Variants in LDLRAD4 observed in about 807,000 individuals in gnomAD.
LDLRAD4 encodes low density lipoprotein receptor class A domain containing 4, also known as low-density lipoprotein receptor class A domain-containing protein 4.
A neutral mutation model predicts 17.0 loss-of-function variants in LDLRAD4; 5 were observed. The observed-to-expected ratio is 0.29, with a 90% CI of 0.15 to 0.62. LDLRAD4 has a LOEUF of 0.62. LDLRAD4 is among the 20% of genes least tolerant of loss of function. LDLRAD4 has a pLI of 0.84. For missense variants in LDLRAD4, 340 were observed against 424.7 expected (o/e 0.80, Z 1.75); for synonymous variants, 168 against 171.8 (o/e 0.98, Z 0.17).
intron 3 of LDLRAD4, among the ~76,000 whole-genome samples, chr18:13,589,483 C>T (rs189646146): frequency 1.3e-3 from 205 of 152,274 alleles, no homozygotes; most frequent in Non-Finnish European, 2.2e-3. Flanking sequence ...CCAGGGTTTC[C>T]GCTCCCATCA....
chr18:13,554,746 ACT>A, intron 3 of LDLRAD4, among the ~76,000 whole-genome samples: 1 of 152,148 alleles, frequency 6.6e-6, no homozygotes, highest in Middle Eastern at 3.4e-3. Flanking sequence ...TGATATTTCC[ACT>A]CTCACGTTTT....
In LDLRAD4 at chr18:13,643,402, G is replaced by A. The variant is rs1232833323; in HGVS notation, c.380G>A (p.Gly127Asp). Residue 127 changes from glycine (G) to aspartate (D), a missense_variant, in exon 5 of 6, where the codon GGC becomes GAC. Gly to Asp is a moderately conservative substitution (Grantham distance 94). Transcript: ENST00000359446. Reference sequence around the variant, plus strand: ...TCAGACAGCGCCGCACCGCGGCTGGGCGCCTCGGAGGTAAGGGGCCCCAGG... The same window carrying A: ...TCAGACAGCGCCGCACCGCGGCTGGACGCCTCGGAGGTAAGGGGCCCCAGG... 1.6e-6 allele frequency: 2 copies of A among 1,275,916 alleles called. No homozygotes were observed. Among genetic ancestry groups the A allele is most frequent in the Non-Finnish European group, 1.0e-6 (1 of 996,644 alleles). 79.0% of individuals were successfully genotyped at this position (1,275,916 alleles called of 1,614,324 possible).
rs929106738 is a variant in LDLRAD4, at chr18:13,621,819, G to T, written c.336+548G>T. ...GTTGGCGGTGGGCTTGTCAGCGGTG[G>T]GCTTGTCGGCGGTAGGGTTGTCGGC... On this transcript the variant is annotated intron_variant, in intron 4 of 5. Transcript: ENST00000359446. This position sits in a 1 kb window ranked among gnomAD's most constrained non-coding sequence, Gnocchi z 5.5. Among the ~76,000 whole-genome samples, 1 of 151,854 alleles carries T rather than the reference G, an allele frequency of 6.6e-6. No homozygotes were observed. Among genetic ancestry groups the T allele is most frequent in the Admixed American group, 6.6e-5 (1 of 15,264 alleles).
At chr18:13,319,363 C>T (rs1024793889) in intron 1 of LDLRAD4, among the ~76,000 whole-genome samples, 8 of 152,052 alleles carry the variant, frequency 5.3e-5, no homozygotes, top group East Asian at 1.9e-4. Context: ...TGAGCCAGCT[C>T]GCTCCTGAGT....
chr18:13,348,585 A>G (rs1006194914), intron 1 of LDLRAD4, among the ~76,000 whole-genome samples: 1 of 152,044 alleles, frequency 6.6e-6, no homozygotes, highest in Non-Finnish European at 1.5e-5. Context: ...GAGAACCACT[A>G]CTGTCTTCCA....
At chr18:13,370,716 T>TTTTTTTTTTTTTG (rs1555663247) in intron 1 of LDLRAD4, among the ~76,000 whole-genome samples, 9 of 8,866 alleles carry the variant, frequency 1.0e-3, no homozygotes, top group Non-Finnish European at 9.4e-3. Flanking sequence ...TTGTTTTGTT[T>TTTTTTTTTTTTTG]TTTTTTTTTT....
chr18:13,222,424 AAACTTT>A (rs2145339612), intron 1 of LDLRAD4, among the ~76,000 whole-genome samples: 1 of 152,138 alleles, frequency 6.6e-6, no homozygotes, highest in East Asian at 1.9e-4. Context: ...AGCATTTACG[AAACTTT>A]AAGTTTGTCA....
At chr18:13,319,593 G>A (rs1223789529) in intron 1 of LDLRAD4, among the ~76,000 whole-genome samples, 3 of 152,198 alleles carry the variant, frequency 2.0e-5, no homozygotes, top group African/African-American at 7.2e-5. Flanking sequence ...GTGTGTGCGT[G>A]TTTTAGATTT....
At chr18:13,583,007 C>T (rs1479739648) in intron 3 of LDLRAD4, among the ~76,000 whole-genome samples, 2 of 152,164 alleles carry the variant, frequency 1.3e-5, no homozygotes, top group Non-Finnish European at 2.9e-5. Flanking sequence ...TGAGCCACCG[C>T]GTCTTGCTTG....
chr18:13,410,137 C>T (rs1306597694), intron 2 of LDLRAD4, among the ~76,000 whole-genome samples: 1 of 152,072 alleles, frequency 6.6e-6, no homozygotes, highest in Non-Finnish European at 1.5e-5. Context: ...TCAAAAGTGT[C>T]AAGGCTCTGA....
intron 3 of LDLRAD4, among the ~76,000 whole-genome samples, chr18:13,452,088 T>A (rs1431274451): frequency 1.3e-5 from 2 of 152,124 alleles, no homozygotes; most frequent in Non-Finnish European, 2.9e-5. Flanking sequence ...GAACGTGGCG[T>A]GTGCCCCTGA....
chr18:13,275,259 C>G (rs2044792513), upstream of LDLRAD4, among the ~76,000 whole-genome samples: 1 of 152,164 alleles, frequency 6.6e-6, no homozygotes, highest in African/African-American at 2.4e-5. Flanking sequence ...TAACCTTGAA[C>G]TGTAGATAAG....
At chr18:13,497,507 T>G (rs2093495984) in intron 3 of LDLRAD4, among the ~76,000 whole-genome samples, 1 of 152,054 alleles carries the variant, frequency 6.6e-6, no homozygotes, top group Non-Finnish European at 1.5e-5. Context: ...TGTTTTTTTT[T>G]TTTCCTTCTT....
chr18:13,323,050 C>T (rs2081339918), intron 1 of LDLRAD4, among the ~76,000 whole-genome samples: 1 of 152,222 alleles, frequency 6.6e-6, no homozygotes, highest in African/African-American at 2.4e-5. Context: ...GTAGCAGCAT[C>T]TCTCTGGATT....
chr18:13,249,034 T>C (rs896424764), intron 1 of LDLRAD4, among the ~76,000 whole-genome samples: 1 of 152,194 alleles, frequency 6.6e-6, no homozygotes, highest in Admixed American at 6.5e-5. Context: ...TTATTTCACC[T>C]AACATAATGC....
exon 6 of LDLRAD4, chr18:13,652,288 G>T (rs2043279020): frequency 6.6e-6 from 1 of 152,182 alleles, no homozygotes; most frequent in South Asian, 2.1e-4. Flanking sequence ...TTGTTGGTAT[G>T]TTGCTATTTT....
At chr18:13,355,656 C>T (rs1599636514) in intron 1 of LDLRAD4, among the ~76,000 whole-genome samples, 1 of 151,992 alleles carries the variant, frequency 6.6e-6, no homozygotes, top group African/African-American at 2.4e-5. Flanking sequence ...TTTTGAAAGG[C>T]AGTCTCACTC....
rs1380569225 is a variant in LDLRAD4, at chr18:13,300,888, C to T, written c.-383+22700C>T. Among the ~76,000 whole-genome samples, 4 of 152,224 alleles carry T rather than the reference C, an allele frequency of 2.6e-5. No homozygotes were observed. The highest frequency in any genetic ancestry group is 5.9e-5 in the Non-Finnish European group (4 of 68,044). ...AGGGTGGTGAACTGGGAGCCGGCAGCGCGTCCCAGCGCTGAACCCGTGGCA... is the reference window on the plus strand; with the variant it reads ...AGGGTGGTGAACTGGGAGCCGGCAGTGCGTCCCAGCGCTGAACCCGTGGCA... On this transcript the variant is annotated intron_variant, in intron 1 of 5. Transcript: ENST00000359446. This position sits in a 1 kb window ranked among gnomAD's most constrained non-coding sequence, Gnocchi z 4.2.
chr18:13,436,803 G>A (rs577505811), intron 2 of LDLRAD4, among the ~76,000 whole-genome samples: 1 of 152,348 alleles, frequency 6.6e-6, no homozygotes, highest in South Asian at 2.1e-4. Context: ...CCTGGATGGC[G>A]CCGCTAGCGA....
Sources: gnomAD v4.1 joint callset for allele counts (sites outside exome capture counted in the v4.1 genomes callset) on GRCh38, gnomAD v4.1.1 for gene constraint, Gnocchi (gnomAD v3.1) non-coding constraint, MANE v1.5 for transcripts, NCBI Gene and HGNC (gene_info 2026-07-23, HGNC 2026-07-21) for gene names.